MATN2: variants seen among roughly 807,000 people sequenced by gnomAD.
MATN2 encodes the protein matrilin-2.
Under a neutral mutation model 103.2 loss-of-function variants are expected in MATN2, and 69 were observed. The observed-to-expected ratio is 0.67, with a 90% CI of 0.55 to 0.82. The LOEUF (loss-of-function observed/expected upper bound fraction) is 0.82. MATN2 is among the 40% of genes least tolerant of loss of function. The pLI is 0.00. For missense variants in MATN2, 1,023 were observed against 1,211.5 expected, an observed-to-expected ratio of 0.84 and a Z score of 2.31; for synonymous variants, 429 against 450.2, an observed-to-expected ratio of 0.95 and a Z score of 0.60.
chr8:97,966,007 C>G (rs1389867482), intron 5 of MATN2, among the ~76,000 whole-genome samples: 1 of 151,426 alleles, frequency 6.6e-6, no homozygotes, highest in Non-Finnish European at 1.5e-5. Context: ...AAAATATTAG[C>G]CAAGCATGTT....
At chr8:97,921,049 G>C (rs1484379047) in intron 2 of MATN2, among the ~76,000 whole-genome samples, 1 of 152,128 alleles carries the variant, frequency 6.6e-6, no homozygotes, top group Non-Finnish European at 1.5e-5. Flanking sequence ...AACCCTACGT[G>C]CAGGGCTTGA....
At chr8:97,909,892 T>C (rs1317297936) in intron 2 of MATN2, among the ~76,000 whole-genome samples, 1 of 151,948 alleles carries the variant, frequency 6.6e-6, no homozygotes, top group Admixed American at 6.6e-5. Flanking sequence ...CAGGCCATTC[T>C]CCTGCCTCAG....
intron 1 of MATN2, among the ~76,000 whole-genome samples, chr8:97,876,061 C>G (rs1052971903): frequency 6.6e-6 from 1 of 152,022 alleles, no homozygotes; most frequent in African/African-American, 2.4e-5. Context: ...GACTGTCGCC[C>G]AGGCTGGAGT....
chr8:97,943,146 A>C (rs1277437333), intron 4 of MATN2, among the ~76,000 whole-genome samples: 1 of 151,988 alleles, frequency 6.6e-6, no homozygotes, highest in Non-Finnish European at 1.5e-5. Flanking sequence ...GGTTTCATAG[A>C]GTTTCCTAAA....
At chr8:97,933,905 C>CT (rs1257792788) in intron 3 of MATN2, among the ~76,000 whole-genome samples, 2 of 152,180 alleles carry the variant, frequency 1.3e-5, no homozygotes, top group Non-Finnish European at 1.5e-5. Context: ...TTATAAAGCA[C>CT]TTTCCCTTAT....
rs376203275 is a variant in MATN2, at chr8:97,937,583, C to CTTTTTTTTT, written c.713-4179_713-4171dup. On this transcript the variant is annotated intron_variant, in intron 3 of 18. Coordinates refer to ENST00000254898, the MANE Select transcript of MATN2 (RefSeq NM_002380.5). ...TCTTTTAATTCCCCCTCCCCACTAA[C>CTTTTTTTTT]TTTTTTTTTTTTTTTTTTTTTTTGA... Among the ~76,000 whole-genome samples the CTTTTTTTTT allele has an allele frequency of 3.8e-4, 34 of 89,806 alleles. 1 individual carries two copies. Among genetic ancestry groups the CTTTTTTTTT allele is most frequent in the African/African-American group, 6.4e-4 (14 of 21,970 alleles). The allele number at this position is 89,806 out of a possible 152,430, so 58.9% of individuals were successfully genotyped here. A position where few individuals can be genotyped will look rare whatever the true frequency, so the allele number is the denominator to read the frequency against.
intron 2 of MATN2, among the ~76,000 whole-genome samples, chr8:97,912,446 A>G (rs1457555863): frequency 6.6e-6 from 1 of 152,230 alleles, no homozygotes; most frequent in African/African-American, 2.4e-5. Context: ...CGCTGAGGAA[A>G]CAAATCGTTG....
At chr8:97,962,831 A>G (rs955155202) in intron 5 of MATN2, among the ~76,000 whole-genome samples, 2 of 152,200 alleles carry the variant, frequency 1.3e-5, no homozygotes, top group African/African-American at 4.8e-5. Context: ...CCATATAAAT[A>G]TCTACTTTAA....
intron 10 of MATN2, among the ~76,000 whole-genome samples, chr8:98,009,115 G>GT (rs1268367242): frequency 1.9e-4 from 29 of 152,202 alleles, no homozygotes; most frequent in African/African-American, 7.0e-4. Flanking sequence ...ATATGTGGTT[G>GT]TATCTAGATG....
In MATN2 at chr8:97,931,532, G is replaced by C; in HGVS notation, c.712+10G>C. On this transcript the variant is annotated intron_variant, in intron 3 of 18. Transcript: ENST00000254898. The surrounding 1 kb of genome is among the most constrained non-coding windows in gnomAD (Gnocchi z 4.1). ...CAGAAGAAGTTGTGCAGTAAGTCCT[G>C]CTCCTTTGTCACTCTTCTAGAGGAA... is the stretch of plus-strand genomic sequence containing the variant. 6.3e-7 allele frequency: 1 copy of C among 1,587,462 alleles called. No individual in the cohort carries two copies.
At chr8:97,913,207 T>C (rs973459460) in intron 2 of MATN2, among the ~76,000 whole-genome samples, 2 of 136,300 alleles carry the variant, frequency 1.5e-5, no homozygotes, top group African/African-American at 7.2e-5. Flanking sequence ...GCCTGAAAGA[T>C]AGTCTGGGAA....
chr8:98,016,543 T>G lies in MATN2; in HGVS notation c.1577T>G (p.Leu526Trp). ...CTAATTCCCATTTGATTCTCAGAAT[T>G]GGACTCTTGTGCTCTGGGGGACCAC... is the stretch of plus-strand genomic sequence containing the variant. The part of the protein sequence containing the change: ...LRSDGKTCAK[L>W]DSCALGDHGC... Residue 526 changes from leucine to tryptophan, a missense_variant, in exon 11 of 19, where the codon TTG becomes TGG. Coordinates refer to ENST00000254898, the MANE Select transcript of MATN2 (RefSeq NM_002380.5). 6.2e-7 allele frequency: 1 copy of G among 1,607,406 alleles called. No homozygotes were observed. The highest frequency in any genetic ancestry group is 8.5e-7 in the Non-Finnish European group (1 of 1,176,390).
chr8:98,022,580 A>G (rs946314290), intron 13 of MATN2, among the ~76,000 whole-genome samples: 3 of 152,142 alleles, frequency 2.0e-5, no homozygotes, highest in African/African-American at 7.2e-5. Context: ...TACCAATGTG[A>G]CTGTCATCTC....
At chr8:97,949,704 A>T (rs1252412049) in intron 4 of MATN2, among the ~76,000 whole-genome samples, 1 of 152,226 alleles carries the variant, frequency 6.6e-6, no homozygotes, top group African/African-American at 2.4e-5. Context: ...TTGAACACAA[A>T]TGTTCACATC....
At chr8:97,953,512 C>A (rs1053643669) in intron 4 of MATN2, among the ~76,000 whole-genome samples, 3 of 151,932 alleles carry the variant, frequency 2.0e-5, no homozygotes, top group African/African-American at 7.3e-5. Context: ...TTTTGCTGAG[C>A]GTGGTGGCTC....
chr8:97,895,580 T>C (rs1046545212), intron 2 of MATN2, among the ~76,000 whole-genome samples: 3 of 152,214 alleles, frequency 2.0e-5, no homozygotes, highest in African/African-American at 7.2e-5. Context: ...TTCCAAGGGG[T>C]AATAGTGATA....
At chr8:97,916,742 G>A (rs1022993808) in intron 2 of MATN2, among the ~76,000 whole-genome samples, 3 of 152,120 alleles carry the variant, frequency 2.0e-5, no homozygotes, top group African/African-American at 7.2e-5. Context: ...ACTGCTTTAC[G>A]TTGCAAGGAA....
intron 4 of MATN2, among the ~76,000 whole-genome samples, chr8:97,958,253 T>C (rs1811199712): frequency 6.6e-6 from 1 of 152,202 alleles, no homozygotes; most frequent in East Asian, 1.9e-4. Context: ...GTAGGTAGGG[T>C]TCCTGCCAGA....
intron 2 of MATN2, among the ~76,000 whole-genome samples, chr8:97,891,010 T>C (rs1818609010): frequency 6.6e-6 from 1 of 152,224 alleles, no homozygotes; most frequent in African/African-American, 2.4e-5. Flanking sequence ...CTGTGGGCTG[T>C]TCACTCGGCA....
Sources: allele counts gnomAD v4.1 joint callset (sites outside exome capture counted in the v4.1 genomes callset), GRCh38; gene constraint gnomAD v4.1.1; non-coding constraint Gnocchi (gnomAD v3.1); transcripts MANE v1.5; gene names NCBI Gene and HGNC (gene_info 2026-07-23, HGNC 2026-07-21).